Variants in RAB12 observed in about 807,000 individuals in gnomAD.
RAB12 encodes the protein RAB12, member RAS oncogene family.
In RAB12, 11 loss-of-function variants were observed where a neutral mutation model predicts 28.4. That is an observed-to-expected ratio of 0.39 (90% confidence interval 0.24 to 0.64). RAB12 has a LOEUF of 0.64. Ranked by LOEUF, RAB12 falls within the 30% of genes least tolerant of loss-of-function variation. The pLI is 0.50. For missense variants in RAB12, 276 were observed against 351.1 expected (o/e 0.79, Z 1.71); for synonymous variants, 138 against 145.3 (o/e 0.95, Z 0.36).
intron 1 of RAB12, among the ~76,000 whole-genome samples, chr18:8,623,023 A>G (rs560051630): frequency 2.7e-4 from 41 of 152,280 alleles, no homozygotes; most frequent in African/African-American, 9.6e-4. Flanking sequence ...TTCTTTTTCA[A>G]GGTGCCCAGA....
At chr18:8,633,594 C>A (rs2096017174) in intron 3 of RAB12, among the ~76,000 whole-genome samples, 1 of 152,196 alleles carries the variant, frequency 6.6e-6, no homozygotes, top group Non-Finnish European at 1.5e-5. Flanking sequence ...TCCACTACAT[C>A]CAGCTGCTTT....
rs2096011886 is a variant in RAB12, at chr18:8,625,001, AAGTGGGAG to A, written c.575+8_575+15del. 1.3e-6 allele frequency: 2 copies of A among 1,590,578 alleles called. No homozygotes were observed. Among genetic ancestry groups the A allele is most frequent in the East Asian group, 4.5e-5 (2 of 44,766 alleles). ...AAGAAAATTAGATTACAGATCTGGT[AAGTGGGAG>A]AGTGTGCACCCAGTAATGTGCTGTG... On this transcript the variant is annotated splice_donor_5th_base_variant and intron_variant, in intron 2 of 5. Coordinates refer to ENST00000649141, the MANE Select transcript of RAB12 (RefSeq NM_001025300.3).
chr18:8,636,506 A>G, intron 5 of RAB12, 149 bp downstream of exon 5: 1 of 581,096 alleles, frequency 1.7e-6, no homozygotes, highest in South Asian at 2.0e-5. Flanking sequence ...TAACTCAGCC[A>G]CAGGCACCCG....
intron 1 of RAB12, among the ~76,000 whole-genome samples, chr18:8,610,956 CGATTTTGAGATGACTT>C (rs1461944525): frequency 2.0e-5 from 3 of 152,120 alleles, no homozygotes; most frequent in African/African-American, 7.2e-5. Flanking sequence ...GCTGTCAGTA[CGATTTTGAGATGACTT>C]GATTTGAAAT....
intron 1 of RAB12, among the ~76,000 whole-genome samples, chr18:8,622,614 G>A (rs1028942560): frequency 6.6e-6 from 1 of 152,206 alleles, no homozygotes; most frequent in Non-Finnish European, 1.5e-5. Context: ...GGACCAGGGC[G>A]AAATTAAAAT....
In RAB12 at chr18:8,639,205, A is replaced by C. The variant is rs2096021032; in HGVS notation, c.*943A>C. ...TTTTTTTTTTTTTGGTCTGATGATG[A>C]ATTTGTGAACTCTATCTTTGGTATA... On this transcript the variant is annotated 3_prime_UTR_variant, in exon 6 of 6. Coordinates refer to ENST00000649141, the MANE Select transcript of RAB12 (RefSeq NM_001025300.3). The C allele has an allele frequency of 2.3e-5, 1 of 44,230 alleles. No individual in the cohort carries two copies. Among genetic ancestry groups the C allele is most frequent in the Non-Finnish European group, 4.3e-5 (1 of 23,180 alleles). The allele number at this position is 44,230 out of a possible 1,614,324, so 2.7% of individuals were successfully genotyped here.
chr18:8,617,326 A>G (rs969539470), intron 1 of RAB12, among the ~76,000 whole-genome samples: 15 of 152,228 alleles, frequency 9.9e-5, no homozygotes, highest in African/African-American at 3.6e-4. Context: ...AAATGTAATC[A>G]CATGTCCTGG....
chr18:8,613,804 TGTA>T (rs1432350100), intron 1 of RAB12, among the ~76,000 whole-genome samples: 2 of 150,940 alleles, frequency 1.3e-5, no homozygotes, highest in African/African-American at 4.9e-5. Context: ...GGATAAGTAA[TGTA>T]GTTGTCTGTG....
intron 2 of RAB12, 129 bp downstream of exon 2, chr18:8,625,127 TA>T (rs2096011961): frequency 1.6e-6 from 1 of 609,178 alleles, no homozygotes; most frequent in African/African-American, 1.9e-5. Context: ...ATTTTAAAAT[TA>T]AATGGACAGT....
intron 2 of RAB12, among the ~76,000 whole-genome samples, chr18:8,626,868 A>G (rs1249239810): frequency 6.6e-6 from 1 of 152,226 alleles, no homozygotes; most frequent in African/African-American, 2.4e-5. Flanking sequence ...GAAGAATGAA[A>G]TGGATTGGAC....
intron 1 of RAB12, among the ~76,000 whole-genome samples, chr18:8,611,187 G>A (rs1598306084): frequency 6.6e-6 from 1 of 152,122 alleles, no homozygotes; most frequent in Non-Finnish European, 1.5e-5. Context: ...AAAATGAGTA[G>A]CATAACTATA....
At chr18:8,633,352 A>T (rs534224236) in intron 3 of RAB12, 25 bp downstream of exon 3, 5 of 1,612,522 alleles carry the variant, frequency 3.1e-6, no homozygotes, top group Admixed American at 3.3e-5. Flanking sequence ...TTTCTGTCCA[A>T]TGTGAACTCT....
At chr18:8,628,862 T>C (rs891512653) in intron 2 of RAB12, among the ~76,000 whole-genome samples, 5 of 152,214 alleles carry the variant, frequency 3.3e-5, no homozygotes, top group Admixed American at 2.0e-4. Flanking sequence ...TCTTAAGTCA[T>C]TGAATGTGAA....
In RAB12 at chr18:8,609,629, C is replaced by T. The variant is rs2096002497; in HGVS notation, c.190C>T (p.Pro64Ser). 5.6e-6 allele frequency: 3 copies of T among 533,612 alleles called. No individual in the cohort carries two copies. The highest frequency in any genetic ancestry group is 6.6e-5 in the Admixed American group (1 of 15,152). 33.1% of individuals were successfully genotyped at this position (533,612 alleles called of 1,614,324 possible). ...RAEAEPGADP[P>S]RAAEAEGAPG... The stretch of plus-strand genomic sequence containing the variant: ...GGAAGCCGAGCCCGGGGCCGACCCC[C>T]CGCGCGCGGCGGAGGCCGAGGGGGC... Residue 64 changes from proline (P) to serine (S), a missense_variant, in exon 1 of 6, where the codon CCG (proline) becomes TCG (serine). Pro to Ser is a moderately conservative substitution (Grantham distance 74). Transcript: ENST00000649141.
At chr18:8,613,626 C>T (rs946258989) in intron 1 of RAB12, among the ~76,000 whole-genome samples, 1 of 152,150 alleles carries the variant, frequency 6.6e-6, no homozygotes, top group Non-Finnish European at 1.5e-5. Flanking sequence ...TTCTATGTTA[C>T]TGTTGGAAGC....
intron 4 of RAB12, 150 bp from the exon 5 acceptor site, chr18:8,636,103 C>A: frequency 1.6e-6 from 1 of 618,282 alleles, no homozygotes. Flanking sequence ...TAAGAATTTG[C>A]TACACTTGTG....
chr18:8,609,693 G>A lies in RAB12; in HGVS notation c.254G>A (p.Gly85Asp). Residue 85 changes from glycine to aspartate, a missense_variant, in exon 1 of 6, where the codon GGC becomes GAC. Coordinates refer to ENST00000649141, the MANE Select transcript of RAB12 (RefSeq NM_001025300.3). ...GCGCGCAGCCGGGGGGCGGGCGGCG[G>A]CGGGCGGCGGGCCGAGCGGGAGCCG... ...PGARSRGAGG[G>D]GRRAEREPHA... 1.0e-6 allele frequency: 1 copy of A among 964,178 alleles called. No homozygotes were observed. Among genetic ancestry groups the A allele is most frequent in the Non-Finnish European group, 1.2e-6 (1 of 811,230 alleles). The allele number at this position is 964,178 out of a possible 1,614,324, so 59.7% of individuals were successfully genotyped here.
intron 1 of RAB12, among the ~76,000 whole-genome samples, chr18:8,614,519 G>GAA (rs143888490): frequency 7.3e-6 from 1 of 136,954 alleles, no homozygotes; most frequent in Admixed American, 7.2e-5. Context: ...AAAAAAAAAA[G>GAA]AAAAAAAAAA....
intron 3 of RAB12, among the ~76,000 whole-genome samples, chr18:8,634,682 A>G (rs2096017915): frequency 2.0e-5 from 3 of 151,214 alleles, no homozygotes; most frequent in Admixed American, 2.0e-4. Context: ...TCATTTCCTG[A>G]GTGCGGGGCC....
Sources: allele counts gnomAD v4.1 joint callset (sites outside exome capture counted in the v4.1 genomes callset), GRCh38; gene constraint gnomAD v4.1.1; transcripts MANE v1.5; gene names NCBI Gene and HGNC (gene_info 2026-07-23, HGNC 2026-07-21).